The following MMP7 variants were observed in gnomAD, a reference collection of about 807,000 sequenced individuals.
MMP7 encodes the protein matrilysin.
Under a neutral mutation model 31.5 loss-of-function variants are expected in MMP7, and 26 were observed. The observed-to-expected ratio is 0.83, with a 90% CI of 0.61 to 1.15. The LOEUF (loss-of-function observed/expected upper bound fraction) is 1.15. Among genes scored for constraint, MMP7 ranks in the 50% most tolerant of loss-of-function variants. MMP7 has a pLI of 0.00. For missense variants in MMP7, 367 were observed against 326.5 expected (o/e 1.12, Z -0.96); for synonymous variants, 142 against 124.2 (o/e 1.14, Z -0.95).
intron 4 of MMP7, chr11:102,524,562 C>T (rs1352933265): frequency 2.0e-5 from 3 of 153,314 alleles, no homozygotes; most frequent in African/African-American, 4.8e-5. Context: ...ATTATTAATA[C>T]ATTCCAAGCA....
intron 4 of MMP7, among the ~76,000 whole-genome samples, chr11:102,524,089 G>A (rs1167847795): frequency 6.6e-6 from 1 of 152,202 alleles, no homozygotes; most frequent in African/African-American, 2.4e-5. Context: ...GGAGTGGCCT[G>A]AGCTCTGGTG....
intron 1 of MMP7, among the ~76,000 whole-genome samples, chr11:102,529,786 C>CTAAAA (rs1858711582): frequency 6.6e-6 from 1 of 152,112 alleles, no homozygotes; most frequent in Non-Finnish European, 1.5e-5. Context: ...GATTTTTGAA[C>CTAAAA]CAGAAGCACT....
intron 3 of MMP7, 133 bp from the exon 4 acceptor site, chr11:102,525,197 C>CCTCAGGT (rs2135904175): frequency 9.2e-7 from 1 of 1,088,328 alleles, no homozygotes; most frequent in South Asian, 1.8e-5. Context: ...GCTCACTTTG[C>CCTCAGGT]GAGGCCGAGG....
At chr11:102,525,154 G>C in intron 3 of MMP7, 90 bp from the exon 4 acceptor site, 1 of 1,478,696 alleles carries the variant, frequency 6.8e-7, no homozygotes, top group Non-Finnish European at 9.0e-7. Context: ...ATTGAGGCTA[G>C]AAAAAGCAGC....
chr11:102,529,776 G>T (rs1858711422), intron 1 of MMP7, among the ~76,000 whole-genome samples: 1 of 152,196 alleles, frequency 6.6e-6, no homozygotes, highest in Non-Finnish European at 1.5e-5. Context: ...CAAGGAACAT[G>T]ATTTTTGAAC....
At chr11:102,521,934 G>A (rs541230987) in intron 5 of MMP7, among the ~76,000 whole-genome samples, 41 of 152,216 alleles carry the variant, frequency 2.7e-4, no homozygotes, top group South Asian at 1.2e-3. Context: ...GGTTCTTTAC[G>A]TCGTAACTTT....
At position 102,520,543 on chromosome 11, in the gene MMP7, T is replaced by C. The variant is rs1450643099; in HGVS notation, c.*233A>G. 4.9e-6 allele frequency: 2 copies of C among 409,540 alleles called. No homozygotes were observed. The highest frequency in any genetic ancestry group is 4.0e-5 in the African/African-American group (2 of 49,552). 25.4% of individuals were successfully genotyped at this position (409,540 alleles called of 1,614,324 possible). On this transcript the variant is annotated 3_prime_UTR_variant, in exon 6 of 6. Coordinates refer to ENST00000260227, the MANE Select transcript of MMP7 (RefSeq NM_002423.5). ...ATGGAATAAACATTTTATTTATTTG[T>C]GTATGTAACATTTATTGACATCTAC...
chr11:102,523,678 G>T (rs1461938247), intron 4 of MMP7, among the ~76,000 whole-genome samples: 1 of 152,088 alleles, frequency 6.6e-6, no homozygotes, highest in Non-Finnish European at 1.5e-5. Context: ...ACTCTGCAGT[G>T]GAAAGCAAAG....
intron 4 of MMP7, among the ~76,000 whole-genome samples, chr11:102,524,065 G>T (rs1214256684): frequency 6.6e-6 from 1 of 152,168 alleles, no homozygotes; most frequent in East Asian, 1.9e-4. Flanking sequence ...GAAGGTGTGA[G>T]CCCGTGCGTT....
At chr11:102,523,504 C>A in intron 4 of MMP7, 103 bp from the exon 5 acceptor site, 1 of 1,022,744 alleles carries the variant, frequency 9.8e-7, no homozygotes, top group Admixed American at 3.5e-5. Flanking sequence ...AAGAAAAATA[C>A]CCAAGTTTTA....
At chr11:102,527,450 A>G (rs1223457460) in intron 3 of MMP7, 74 bp downstream of exon 3, 1 of 1,554,732 alleles carries the variant, frequency 6.4e-7, no homozygotes, top group South Asian at 1.1e-5. Flanking sequence ...TAATCTTCAT[A>G]AGAAAAGAGC....
At position 102,527,519 on chromosome 11, in the gene MMP7, C is replaced by G; in HGVS notation, c.484+5G>C. 1 of 1,614,148 alleles carries G rather than the reference C, an allele frequency of 6.2e-7. No individual in the cohort carries two copies. The highest frequency in any genetic ancestry group is 8.5e-7 in the Non-Finnish European group (1 of 1,180,006). On this transcript the variant is annotated splice_donor_5th_base_variant and intron_variant, in intron 3 of 5. Coordinates refer to ENST00000260227, the MANE Select transcript of MMP7 (RefSeq NM_002423.5). ...ACAGGATTAGCCTACAGGAATCTTTCTTACCTCCTCGCGCAAAGCCAATCA... is the reference window on the plus strand; with the variant it reads ...ACAGGATTAGCCTACAGGAATCTTTGTTACCTCCTCGCGCAAAGCCAATCA...
At chr11:102,529,227 T>C (rs1306225592) in intron 1 of MMP7, among the ~76,000 whole-genome samples, 1 of 152,228 alleles carries the variant, frequency 6.6e-6, no homozygotes, top group Non-Finnish European at 1.5e-5. Flanking sequence ...CTTTTTTTCC[T>C]GTTACCAACA....
In MMP7 at chr11:102,527,614, C is replaced by T; in HGVS notation, c.394G>A (p.Ala132Thr). Reference sequence around the variant, plus strand: ...ATCTCTTTGCCCCACATGTTTAAAGCCTTTGACACTAATCGATCCACTGTA... The same window carrying T: ...ATCTCTTTGCCCCACATGTTTAAAGTCTTTGACACTAATCGATCCACTGTA... Reference protein sequence around the residue: ...HITVDRLVSKALNMWGKEIPL... With the variant: ...HITVDRLVSKTLNMWGKEIPL... Residue 132 changes from alanine (A) to threonine (T), a missense_variant, in exon 3 of 6, where the codon GCT (alanine) becomes ACT (threonine). Physicochemically the swap from Ala to Thr is moderately conservative, Grantham distance 58. Coordinates refer to ENST00000260227, the MANE Select transcript of MMP7 (RefSeq NM_002423.5). The T allele has an allele frequency of 6.2e-7, 1 of 1,614,106 alleles. No homozygotes were observed. The highest frequency in any genetic ancestry group is 1.1e-5 in the South Asian group (1 of 91,074).
intron 1 of MMP7, among the ~76,000 whole-genome samples, chr11:102,530,211 T>C (rs867019482): frequency 6.6e-6 from 1 of 152,228 alleles, no homozygotes; most frequent in Non-Finnish European, 1.5e-5. Context: ...AATCTCAAGT[T>C]ATAATAAATA....
In MMP7 at chr11:102,523,317, T is replaced by C. The variant is rs200541346; in HGVS notation, c.698A>G (p.Tyr233Cys). The change falls in exon 5 of 6, where the codon TAT (tyrosine) becomes TGT (cysteine). Residue 233 changes from tyrosine (Y) to cysteine (C), a missense_variant. Coordinates refer to ENST00000260227, the MANE Select transcript of MMP7 (RefSeq NM_002423.5). ...GHSSDPNAVM[Y>C]PTYGNGDPQN... The stretch of plus-strand genomic sequence containing the variant: ...GGGATCTCCATTTCCATAGGTTGGA[T>C]ACATCACTGCATTAGGATCAGAGGA... 32 of 1,613,414 alleles carry C rather than the reference T, an allele frequency of 2.0e-5. No individual in the cohort carries two copies. The East Asian group carries it at 6.9e-4, about 35-fold the overall frequency.
chr11:102,529,769 G>A (rs1858711369), intron 1 of MMP7, among the ~76,000 whole-genome samples: 1 of 152,120 alleles, frequency 6.6e-6, no homozygotes, highest in African/African-American at 2.4e-5. Context: ...CATATTGCAA[G>A]GAACATGATT....
intron 4 of MMP7, among the ~76,000 whole-genome samples, chr11:102,523,804 G>C (rs1347214277): frequency 6.6e-6 from 1 of 152,126 alleles, no homozygotes; most frequent in African/African-American, 2.4e-5. Context: ...GTTAAACAGA[G>C]ACAGTAATTT....
Position 102,530,686 on chromosome 11 carries a change from C to A in MMP7, c.15G>T (p.Val5=), listed in dbSNP as rs1471021041. The part of the protein sequence containing the change: MRLT[V]LCAVCLLPGS... ...CAGGCAGCAGGCACACAGCACACAG[C>A]ACGGTGAGTCGCATAGCTGCCGTCC... Residue 5 remains valine (V), a synonymous_variant, in exon 1 of 6, where the codon GTG becomes GTT. Transcript: ENST00000260227. The A allele has an allele frequency of 6.2e-7, 1 of 1,613,684 alleles. No homozygotes were observed. The highest frequency in any genetic ancestry group is 8.5e-7 in the Non-Finnish European group (1 of 1,179,840).
Sources: gnomAD v4.1 joint callset for allele counts (sites outside exome capture counted in the v4.1 genomes callset) on GRCh38, gnomAD v4.1.1 for gene constraint, MANE v1.5 for transcripts, NCBI Gene and HGNC (gene_info 2026-07-23, HGNC 2026-07-21) for gene names.